Variants in ACTR3C observed in about 807,000 individuals in gnomAD.
ACTR3C encodes actin related protein 3C, also known as actin-related protein 3C.
A neutral mutation model predicts 26.3 loss-of-function variants in ACTR3C; 18 were observed. That is an observed-to-expected ratio of 0.68 (90% CI 0.47 to 1.01). The LOEUF (loss-of-function observed/expected upper bound fraction) is 1.01, where lower values mean the gene tolerates loss of function less well. ACTR3C is among the 50% of genes least tolerant of loss of function. The pLI, the probability that ACTR3C is intolerant of heterozygous loss-of-function variation, is 0.00. For missense variants in ACTR3C, 184 were observed against 250.7 expected (o/e 0.73, Z 1.80); for synonymous variants, 55 against 94.5 (o/e 0.58, Z 2.42).
chr7:150,111,048 C>T, the ACTR3C span, among the ~76,000 whole-genome samples: 1 of 150,788 alleles, frequency 6.6e-6, no homozygotes, highest in African/African-American at 2.5e-5. Context: ...AGGGATAACA[C>T]GTGGCAAACC....
chr7:150,098,458 G>A, the ACTR3C span, among the ~76,000 whole-genome samples: 2 of 151,760 alleles, frequency 1.3e-5, no homozygotes, highest in African/African-American at 4.9e-5. Flanking sequence ...ACAAAAATAC[G>A]CATGACATGA....
the ACTR3C span, among the ~76,000 whole-genome samples, chr7:150,175,803 A>ACT: frequency 7.7e-6 from 1 of 130,566 alleles, no homozygotes; most frequent in Non-Finnish European, 1.5e-5. Flanking sequence ...AAACAGTGAG[A>ACT]CTCCATCTGA....
the ACTR3C span, among the ~76,000 whole-genome samples, chr7:150,131,422 A>T: frequency 0.16 from 24,194 of 151,056 alleles, 1,656 homozygotes; most frequent in Admixed American, 0.18. Context: ...TGAGAAATTT[A>T]TCCCAAAAAG....
At chr7:150,097,177 A>C in the ACTR3C span, among the ~76,000 whole-genome samples, 1 of 151,842 alleles carries the variant, frequency 6.6e-6, no homozygotes, top group Non-Finnish European at 1.5e-5. Context: ...ACTAGCAAAG[A>C]CATCCCCAAA....
At chr7:149,936,101 G>A in the ACTR3C span, among the ~76,000 whole-genome samples, 7 of 152,188 alleles carry the variant, frequency 4.6e-5, no homozygotes, top group African/African-American at 9.6e-5. Context: ...TCATTTCATC[G>A]CCAAGGTGAC....
the ACTR3C span, among the ~76,000 whole-genome samples, chr7:150,019,017 C>CT: frequency 3.3e-5 from 5 of 150,118 alleles, no homozygotes; most frequent in Admixed American, 3.3e-4. Context: ...CTTTTCTGTG[C>CT]TTTTTTCAGA....
chr7:150,106,517 G>A, the ACTR3C span, among the ~76,000 whole-genome samples: 3 of 148,666 alleles, frequency 2.0e-5, no homozygotes, highest in African/African-American at 7.5e-5. Context: ...AGATGGTATG[G>A]TGAAATACAC....
At chr7:150,034,981 G>T in the ACTR3C span, among the ~76,000 whole-genome samples, 270 of 144,932 alleles carry the variant, frequency 1.9e-3, 4 homozygotes, top group African/African-American at 3.9e-3. Context: ...CTCGTGGGGG[G>T]TGCCTCCCCC....
At chr7:150,198,870 G>C in the ACTR3C span, among the ~76,000 whole-genome samples, 1 of 146,356 alleles carries the variant, frequency 6.8e-6, no homozygotes, top group Non-Finnish European at 1.5e-5. Flanking sequence ...CTGCCTGGCC[G>C]CCCCTGCTGG....
chr7:150,232,034 T>G, the ACTR3C span, among the ~76,000 whole-genome samples: 1 of 152,162 alleles, frequency 6.6e-6, no homozygotes, highest in Admixed American at 6.5e-5. Context: ...TTGCATCATT[T>G]TTAGGTGTTT....
At chr7:150,323,441 C>A (rs555788583) in intron 1 of ACTR3C, 28 bp downstream of exon 1, 7 of 347,018 alleles carry the variant, frequency 2.0e-5, no homozygotes, top group Non-Finnish European at 3.8e-5. Flanking sequence ...GGCCGCCAGG[C>A]GGCGGGCGGC....
the ACTR3C span, among the ~76,000 whole-genome samples, chr7:149,901,870 C>CA: frequency 4.1e-5 from 5 of 123,218 alleles, no homozygotes; most frequent in Admixed American, 4.5e-4. Flanking sequence ...AAGATCGTGC[C>CA]ACTGTACTCC....
chr7:150,291,702 G>C (rs894504111), intron 3 of ACTR3C, among the ~76,000 whole-genome samples: 10 of 151,862 alleles, frequency 6.6e-5, no homozygotes, highest in African/African-American at 1.9e-4. Flanking sequence ...AGAACCAAAG[G>C]GGGTGCAGGC....
At chr7:150,041,753 G>T in the ACTR3C span, among the ~76,000 whole-genome samples, 156 of 122,654 alleles carry the variant, frequency 1.3e-3, 1 homozygote, top group East Asian at 9.4e-3. Context: ...AAGAGCCAGG[G>T]GGGGGAAGAG....
intron 1 of ACTR3C, among the ~76,000 whole-genome samples, chr7:150,312,373 A>G (rs1017065451): frequency 2.0e-5 from 3 of 152,210 alleles, no homozygotes; most frequent in African/African-American, 4.8e-5. Flanking sequence ...CTCCGTTCAG[A>G]CCGCCACTCA....
At chr7:150,213,471 C>A in the ACTR3C span, among the ~76,000 whole-genome samples, 3 of 152,120 alleles carry the variant, frequency 2.0e-5, no homozygotes, top group African/African-American at 7.2e-5. Context: ...GATATAAAGT[C>A]TTGAAGAGGA....
At chr7:149,953,310 T>G in the ACTR3C span, among the ~76,000 whole-genome samples, 1 of 149,708 alleles carries the variant, frequency 6.7e-6, no homozygotes, top group Non-Finnish European at 1.5e-5. Context: ...TGCCAACTTG[T>G]TAACAGTGAT....
At chr7:150,279,945 G>A (rs1200369749) in intron 6 of ACTR3C, among the ~76,000 whole-genome samples, 2 of 152,116 alleles carry the variant, frequency 1.3e-5, no homozygotes, top group Non-Finnish European at 2.9e-5. Context: ...TTTAACAACA[G>A]TGTCTTGTAC....
At chr7:150,303,840 G>GT (rs869136020) in intron 1 of ACTR3C, among the ~76,000 whole-genome samples, 2 of 152,192 alleles carry the variant, frequency 1.3e-5, no homozygotes, top group Admixed American at 1.3e-4. Flanking sequence ...GAATAATCTG[G>GT]TTTTTTAAAT....
Sources: gnomAD v4.1 joint callset for allele counts (sites outside exome capture counted in the v4.1 genomes callset) on GRCh38, gnomAD v4.1.1 for gene constraint, MANE v1.5 for transcripts, NCBI Gene and HGNC (gene_info 2026-07-23, HGNC 2026-07-21) for gene names.